Variants in NUBP2 observed in about 807,000 individuals in gnomAD.
NUBP2 encodes NUBP iron-sulfur cluster assembly factor 2, cytosolic, also known as cytosolic Fe-S cluster assembly factor NUBP2.
In NUBP2, 23 loss-of-function variants were observed where a neutral mutation model predicts 24.9. The observed-to-expected ratio is 0.92, with a 90% CI of 0.66 to 1.31. The LOEUF (loss-of-function observed/expected upper bound fraction) is 1.31, where lower values mean the gene tolerates loss of function less well. Ranked by LOEUF, NUBP2 falls within the 50% of genes most tolerant of loss-of-function variation. The probability of loss-of-function intolerance (pLI) is 0.00; values close to 1 mark genes in which losing one functional copy is unlikely to be tolerated. For missense variants in NUBP2, 403 were observed against 386.5 expected (o/e 1.04, Z -0.36); for synonymous variants, 186 against 170.9 (o/e 1.09, Z -0.69).
chr16:1,785,457 A>G (rs1896917632), intron 1 of NUBP2: 2 of 1,187,186 alleles, frequency 1.7e-6, no homozygotes, highest in Non-Finnish European at 2.1e-6. Context: ...GCCAGCACTG[A>G]TGGCAGCATG....
Position 1,785,587 on chromosome 16 carries a change from A to G in NUBP2, c.17-950A>G, listed in dbSNP as rs772098709. On this transcript the variant is annotated intron_variant, in intron 1 of 6. Coordinates refer to ENST00000262302, the MANE Select transcript of NUBP2 (RefSeq NM_012225.4). The stretch of plus-strand genomic sequence containing the variant: ...AGTAATTTAAGTCAGAACCCCTTTT[A>G]TTGCCCCAGGGGTGACCGGGAGGCC... 1,025 of 1,252,592 alleles carry G rather than the reference A, an allele frequency of 8.2e-4. 2 individuals are homozygous for G. Among genetic ancestry groups the G allele is most frequent in the Non-Finnish European group, 7.9e-4 (768 of 971,412 alleles). 77.6% of individuals were successfully genotyped at this position (1,252,592 alleles called of 1,614,324 possible). A position where few individuals can be genotyped will look rare whatever the true frequency, so the allele number is the denominator to read the frequency against.
chr16:1,788,438 T>C, intron 6 of NUBP2, 131 bp from the exon 7 acceptor site: 2 of 1,352,196 alleles, frequency 1.5e-6, no homozygotes, highest in South Asian at 1.6e-5. Flanking sequence ...GCCGCGGGTC[T>C]GGAGGTGGAA....
chr16:1,786,638 C>T lies in NUBP2; in HGVS notation c.118C>T (p.Arg40Cys), dbSNP rs199651045. 98 of 1,612,642 alleles carry T rather than the reference C, an allele frequency of 6.1e-5. No individual in the cohort carries two copies. The highest frequency in any genetic ancestry group is 1.6e-4 in the Middle Eastern group (1 of 6,082). Residue 40 changes from arginine (R) to cysteine (C), a missense_variant, in exon 2 of 7, where the codon CGC (arginine) becomes TGC (cysteine). Coordinates refer to ENST00000262302, the MANE Select transcript of NUBP2 (RefSeq NM_012225.4). ...CTCCACGGAGCTGGCCCTGGCACTG[C>T]GCCATGCAGGCAAGAAGGTGAGCGC... ...TISTELALAL[R>C]HAGKKVGILD... is the part of the protein sequence containing the mutation.
At position 1,782,979 on chromosome 16, in the gene NUBP2, G is replaced by T. The variant is rs1896789399; in HGVS notation, c.-42G>T. On this transcript the variant is annotated 5_prime_UTR_variant, in exon 1 of 7. Transcript: ENST00000262302. ...CTAGCTGGGAGGCTGACGGCCCGCG[G>T]GCGTAAGCGGACTGCAGCCGCGAGC... 1 of 1,404,894 alleles carries T rather than the reference G, an allele frequency of 7.1e-7. No individual in the cohort carries two copies. Among genetic ancestry groups the T allele is most frequent in the Non-Finnish European group, 9.3e-7 (1 of 1,078,300 alleles). 87.0% of individuals were successfully genotyped at this position (1,404,894 alleles called of 1,614,324 possible).
Position 1,786,922 on chromosome 16 carries a change from G to A in NUBP2, c.301G>A (p.Glu101Lys), listed in dbSNP as rs1232699640. 9.7e-6 allele frequency: 15 copies of A among 1,538,630 alleles called. No individual in the cohort carries two copies. The highest frequency in any genetic ancestry group is 3.6e-5 in the South Asian group (3 of 82,300). The stretch of plus-strand genomic sequence containing the variant: ...GGGCTTCCTGCTGGAGAAGCCGGAC[G>A]AGGCCGTGGTGTGGAGAGGCCCCAA... ...SVGFLLEKPD[E>K]AVVWRGPKKN... is the part of the protein sequence containing the mutation. The change falls in exon 3 of 7, where the codon GAG (glutamate) becomes AAG (lysine). Residue 101 changes from glutamate (E) to lysine (K), a missense_variant. Glu to Lys is a moderately conservative substitution (Grantham distance 56). Transcript: ENST00000262302.
Position 1,786,586 on chromosome 16 carries a change from A to AC in NUBP2, c.66_67insC (p.Lys23GlnfsTer118), listed in dbSNP as rs780867509. The AC allele has an allele frequency of 6.2e-7, 1 of 1,612,024 alleles. No homozygotes were observed. The highest frequency in any genetic ancestry group is 8.5e-7 in the Non-Finnish European group (1 of 1,179,282). ...GGCACATCATCCTGGTCCTCTCAGG[A>AC]AAGGGGGGCGTTGGGAAAAGCACCA... On this transcript the variant is annotated frameshift_variant, in exon 2 of 7. Transcript: ENST00000262302. LOFTEE classifies it high-confidence loss of function.
rs775787933 is a variant in NUBP2 at position 1,787,930 on chromosome 16, C to G, written c.490-11C>G. The G allele has an allele frequency of 4.4e-6, 7 of 1,603,946 alleles. No homozygotes were observed. The South Asian group carries it at 7.7e-5, about 18-fold the overall frequency. ...GCCTGGCTGACCGTGGCCTCGGCTC[C>G]TGCCCCGCAGGCGGTGTCCGTGGGG... On this transcript the variant is annotated splice_polypyrimidine_tract_variant and intron_variant, in intron 4 of 6. Transcript: ENST00000262302.
rs573715877 is a variant in NUBP2, at chr16:1,788,305, G to A, written c.670+98G>A. The A allele has an allele frequency of 5.7e-6, 7 of 1,237,960 alleles. No homozygotes were observed. The East Asian group carries it at 1.6e-4, about 29-fold the overall frequency. The allele number at this position is 1,237,960 out of a possible 1,614,324, so 76.7% of individuals were successfully genotyped here. The stretch of plus-strand genomic sequence containing the variant: ...TGCCCCCAGTGCCCAAGGGAGAGGA[G>A]GGGACGGGAGCGGTTTCCTCCTCTC... On this transcript the variant is annotated intron_variant, in intron 6 of 6. Transcript: ENST00000262302.
intron 3 of NUBP2, chr16:1,787,460 C>A (rs1451104088): frequency 4.7e-6 from 3 of 637,934 alleles, no homozygotes; most frequent in Non-Finnish European, 8.1e-6. Context: ...TGGGCAGGGG[C>A]CAGACACTGC....
chr16:1,787,097 C>A, intron 3 of NUBP2, 142 bp downstream of exon 3: 2 of 774,252 alleles, frequency 2.6e-6, no homozygotes, highest in Non-Finnish European at 3.9e-6. Context: ...GCACAGGGCT[C>A]AGGCTGGCGG....
At chr16:1,785,144 T>A (rs1443140413) in intron 1 of NUBP2, 1 of 990,832 alleles carries the variant, frequency 1.0e-6, no homozygotes, top group African/African-American at 1.7e-5. Context: ...CGGGACTCAT[T>A]GTCCATGGAG....
chr16:1,788,452 G>A (rs557811938), intron 6 of NUBP2, 117 bp from the exon 7 acceptor site: 240 of 1,385,540 alleles, frequency 1.7e-4, no homozygotes, highest in Admixed American at 6.8e-4. Context: ...GGTGGAAATC[G>A]TCTGGCAGCG....
At position 1,788,587 on chromosome 16, in the gene NUBP2, C is replaced by T. The variant is rs1465847917; in HGVS notation, c.689C>T (p.Pro230Leu). The T allele has an allele frequency of 1.2e-6, 2 of 1,607,868 alleles. No homozygotes were observed. Among genetic ancestry groups the T allele is most frequent in the Non-Finnish European group, 1.7e-6 (2 of 1,178,900 alleles). The change falls in exon 7 of 7, where the codon CCT (proline) becomes CTT (leucine). Residue 230 changes from proline to leucine, a missense_variant. Pro to Leu is a moderately conservative substitution (Grantham distance 98). Transcript: ENST00000262302. ...CCTGCAGGCTCCGTGCCCCTGGACC[C>T]TGCGCTCATGAGGACCCTGGAGGAG... ...VPFLGSVPLD[P>L]ALMRTLEEGH...
intron 1 of NUBP2, chr16:1,783,453 C>G: frequency 1.0e-6 from 1 of 1,002,540 alleles, no homozygotes; most frequent in Non-Finnish European, 1.2e-6. Context: ...ACGCCAGAAT[C>G]TCACATGCTT....
At position 1,786,971 on chromosome 16, in the gene NUBP2, C is replaced by G; in HGVS notation, c.334+16C>G. On this transcript the variant is annotated intron_variant, in intron 3 of 6. Coordinates refer to ENST00000262302, the MANE Select transcript of NUBP2 (RefSeq NM_012225.4). ...AAGAAAAACGGTAACGGCCGGGCGGCGCGTCCGCCGTCCTGGTGAAGGGGG... is the reference window on the plus strand; with the variant it reads ...AAGAAAAACGGTAACGGCCGGGCGGGGCGTCCGCCGTCCTGGTGAAGGGGG... 3.3e-6 allele frequency: 5 copies of G among 1,505,448 alleles called. No individual in the cohort carries two copies. The highest frequency in any genetic ancestry group is 4.4e-6 in the Non-Finnish European group (5 of 1,126,776). 93.3% of individuals were successfully genotyped at this position (1,505,448 alleles called of 1,614,324 possible).
At position 1,788,810 on chromosome 16, in the gene NUBP2, A is replaced by G; in HGVS notation, c.*96A>G. The G allele has an allele frequency of 1.4e-6, 2 of 1,425,030 alleles. No individual in the cohort carries two copies. Among genetic ancestry groups the G allele is most frequent in the South Asian group, 1.5e-5 (1 of 68,852 alleles). 88.3% of individuals were successfully genotyped at this position (1,425,030 alleles called of 1,614,324 possible). A position where few individuals can be genotyped will look rare whatever the true frequency, so the allele number is the denominator to read the frequency against. On this transcript the variant is annotated 3_prime_UTR_variant, in exon 7 of 7. Transcript: ENST00000262302. ...CCTGGGCTCGGTTCCCGGGCCCTGC[A>G]GGGGCAGGCCCAGGCAGCGTCAGCC...
At chr16:1,786,414 T>C in intron 1 of NUBP2, 123 bp from the exon 2 acceptor site, 1 of 865,322 alleles carries the variant, frequency 1.2e-6, no homozygotes, top group East Asian at 2.4e-5. Context: ...GGGCTGCCTC[T>C]GGGTCTGGCG....
At chr16:1,787,038 C>T in intron 3 of NUBP2, 83 bp downstream of exon 3, 1 of 1,318,726 alleles carries the variant, frequency 7.6e-7, no homozygotes, top group Non-Finnish European at 1.0e-6. Context: ...TGTTCCTCTT[C>T]AGCAGCCAGG....
chr16:1,785,321 T>C (rs1567234445), intron 1 of NUBP2: 1 of 1,082,812 alleles, frequency 9.2e-7, no homozygotes, highest in South Asian at 2.5e-5. Flanking sequence ...CCCTCAGGGT[T>C]GTTGTCCCGG....
Sources: allele counts gnomAD v4.1 joint callset, GRCh38; gene constraint gnomAD v4.1.1; transcripts MANE v1.5; gene names NCBI Gene and HGNC (gene_info 2026-07-23, HGNC 2026-07-21).